Variants in OR2L2 observed in about 807,000 individuals in gnomAD.
The protein encoded by OR2L2 is olfactory receptor family 2 subfamily L member 2.
For missense variants in OR2L2, 378 were observed against 375.2 expected, an observed-to-expected ratio of 1.01 and a Z score of -0.06; for synonymous variants, 156 against 135.4, an observed-to-expected ratio of 1.15 and a Z score of -1.06.
intron 2 of OR2L2, among the ~76,000 whole-genome samples, chr1:248,036,501 C>T (rs1662765153): frequency 6.6e-6 from 1 of 152,248 alleles, no homozygotes; most frequent in Admixed American, 6.5e-5. Flanking sequence ...TGTACATACA[C>T]GTGTATTGAT....
intron 1 of OR2L2, among the ~76,000 whole-genome samples, chr1:248,030,826 C>T (rs1329381493): frequency 2.6e-5 from 4 of 151,986 alleles, no homozygotes; most frequent in Admixed American, 2.6e-4. Context: ...ATTGCACGTG[C>T]CAGTGTGTGG....
intron 1 of OR2L2, among the ~76,000 whole-genome samples, chr1:248,033,301 A>G (rs1662669208): frequency 6.6e-6 from 1 of 152,214 alleles, no homozygotes; most frequent in Non-Finnish European, 1.5e-5. Flanking sequence ...GAATGTAGAT[A>G]TCTAGTTTTT....
Position 248,040,621 on chromosome 1 carries a change from C to G in OR2L2, c.*1415C>G, listed in dbSNP as rs1295686171. 2 of 152,138 alleles carry G rather than the reference C, an allele frequency of 1.3e-5. No homozygotes were observed. Among genetic ancestry groups the G allele is most frequent in the African/African-American group, 4.8e-5 (2 of 41,426 alleles). 9.4% of individuals were successfully genotyped at this position (152,138 alleles called of 1,614,324 possible). A position where few individuals can be genotyped will look rare whatever the true frequency, so the allele number is the denominator to read the frequency against. On this transcript the variant is annotated 3_prime_UTR_variant, in exon 3 of 3. Transcript: ENST00000641771. The stretch of plus-strand genomic sequence containing the variant: ...TATTTTCTCTTTCTGATGATTTTCT[C>G]AATAAGATATTCTTTTTTAGCTCAC...
At chr1:248,035,036 A>T (rs1429413509) in intron 1 of OR2L2, among the ~76,000 whole-genome samples, 8 of 150,040 alleles carry the variant, frequency 5.3e-5, no homozygotes, top group African/African-American at 2.0e-4. Flanking sequence ...TTAAGATAAC[A>T]TATTTATCTT....
At chr1:248,035,387 T>A (rs932542428) in intron 1 of OR2L2, among the ~76,000 whole-genome samples, 163 bp from the exon 2 acceptor site, 1 of 151,994 alleles carries the variant, frequency 6.6e-6, no homozygotes, top group South Asian at 2.1e-4. Context: ...AGGCGGAGCT[T>A]GCAGTGAGCC....
intron 2 of OR2L2, among the ~76,000 whole-genome samples, chr1:248,036,385 T>C (rs1017224596): frequency 6.6e-6 from 1 of 152,218 alleles, no homozygotes; most frequent in East Asian, 1.9e-4. Flanking sequence ...ATGATATTTA[T>C]TTGGTGGATT....
chr1:248,042,081 A>G lies in OR2L2; in HGVS notation c.*2875A>G, dbSNP rs903583025. ...CTATGTTTATTGCGGCACTATTCAC[A>G]ATAGCAAAGACTTGGAACCAACCCA... On this transcript the variant is annotated 3_prime_UTR_variant, in exon 3 of 3. Coordinates refer to ENST00000641771, the MANE Select transcript of OR2L2 (RefSeq NM_001385855.1). 3 of 152,116 alleles carry G rather than the reference A, an allele frequency of 2.0e-5. No individual in the cohort carries two copies. Among genetic ancestry groups the G allele is most frequent in the African/African-American group, 7.2e-5 (3 of 41,420 alleles). 9.4% of individuals were successfully genotyped at this position (152,116 alleles called of 1,614,324 possible).
chr1:248,034,465 G>C (rs1662701885), intron 1 of OR2L2, among the ~76,000 whole-genome samples: 1 of 152,116 alleles, frequency 6.6e-6, no homozygotes, highest in Non-Finnish European at 1.5e-5. Flanking sequence ...AAGGTCCTTT[G>C]AAATTCCATA....
At chr1:248,030,412 A>G (rs1204971009) in intron 1 of OR2L2, among the ~76,000 whole-genome samples, 177 bp downstream of exon 1, 1 of 152,190 alleles carries the variant, frequency 6.6e-6, no homozygotes, top group Non-Finnish European at 1.5e-5. Context: ...GCAGGCAACC[A>G]AAAGTGATTT....
At position 248,038,465 on chromosome 1, in the gene OR2L2, C is replaced by T. The variant is rs1430659869; in HGVS notation, c.198C>T (p.Ser66=). 1 of 1,613,804 alleles carries T rather than the reference C, an allele frequency of 6.2e-7. No homozygotes were observed. Among genetic ancestry groups the T allele is most frequent in the Non-Finnish European group, 8.5e-7 (1 of 1,179,740 alleles). ...TPMYFLLSQL[S]LIDLNYISTI... ...TGTATTTCCTACTTAGTCAGCTCTCCCTCATTGACCTAAATTACATCTCCA... is the reference window on the plus strand; with the variant it reads ...TGTATTTCCTACTTAGTCAGCTCTCTCTCATTGACCTAAATTACATCTCCA... The change falls in exon 3 of 3, where the codon TCC becomes TCT. Residue 66 remains serine (S), a synonymous_variant. Transcript: ENST00000641771.
chr1:248,033,926 G>A (rs1445249865), intron 1 of OR2L2, among the ~76,000 whole-genome samples: 2 of 152,150 alleles, frequency 1.3e-5, no homozygotes, highest in Non-Finnish European at 2.9e-5. Flanking sequence ...AATCAGTAAA[G>A]AGGAAGCCAA....
intron 1 of OR2L2, among the ~76,000 whole-genome samples, chr1:248,033,126 C>T (rs1662663274): frequency 6.6e-6 from 1 of 152,090 alleles, no homozygotes; most frequent in Admixed American, 6.6e-5. Context: ...GGATGAAACC[C>T]ATCATAAATC....
chr1:248,037,859 C>T (rs1403795412), intron 2 of OR2L2, among the ~76,000 whole-genome samples: 1 of 152,192 alleles, frequency 6.6e-6, no homozygotes, highest in Non-Finnish European at 1.5e-5. Flanking sequence ...AGCCCAACGT[C>T]ACATCACAGT....
rs1467282364 is a variant in OR2L2, at chr1:248,041,682, A to G, written c.*2476A>G. On this transcript the variant is annotated 3_prime_UTR_variant, in exon 3 of 3. Coordinates refer to ENST00000641771, the MANE Select transcript of OR2L2 (RefSeq NM_001385855.1). Reference sequence around the variant, plus strand: ...TTACAAGAAAAAAACAAACAACCCCATCAAAAAGTGGGTGAAGGACATGAA... The same window carrying G: ...TTACAAGAAAAAAACAAACAACCCCGTCAAAAAGTGGGTGAAGGACATGAA... 2 of 152,290 alleles carry G rather than the reference A, an allele frequency of 1.3e-5. No homozygotes were observed. The highest frequency in any genetic ancestry group is 3.9e-4 in the East Asian group (2 of 5,182). 9.4% of individuals were successfully genotyped at this position (152,290 alleles called of 1,614,324 possible).
Position 248,041,764 on chromosome 1 carries a change from C to T in OR2L2, c.*2558C>T, listed in dbSNP as rs1171521386. The T allele has an allele frequency of 6.6e-6, 1 of 152,204 alleles. No homozygotes were observed. The highest frequency in any genetic ancestry group is 1.5e-5 in the Non-Finnish European group (1 of 68,052). The allele number at this position is 152,204 out of a possible 1,614,324, so 9.4% of individuals were successfully genotyped here. A position where few individuals can be genotyped will look rare whatever the true frequency, so the allele number is the denominator to read the frequency against. ...GCCAAAAAACACATGAAAAAATGCT[C>T]ACCGTTACTGGCCGTCAGAGAAATG... On this transcript the variant is annotated 3_prime_UTR_variant, in exon 3 of 3. Coordinates refer to ENST00000641771, the MANE Select transcript of OR2L2 (RefSeq NM_001385855.1).
intron 1 of OR2L2, among the ~76,000 whole-genome samples, chr1:248,031,311 T>A (rs1662614857): frequency 6.6e-6 from 1 of 152,220 alleles, no homozygotes; most frequent in Admixed American, 6.5e-5. Flanking sequence ...AGATGCTACA[T>A]TGGTGTTCAT....
chr1:248,042,219 A>G lies in OR2L2; in HGVS notation c.*3013A>G, dbSNP rs1662969619. 1 of 152,046 alleles carries G rather than the reference A, an allele frequency of 6.6e-6. No individual in the cohort carries two copies. Among genetic ancestry groups the G allele is most frequent in the African/African-American group, 2.4e-5 (1 of 41,386 alleles). The allele number at this position is 152,046 out of a possible 1,614,324, so 9.4% of individuals were successfully genotyped here. ...TGTCCTTTGTAGGGACATGGATGAA[A>G]TTGGAAATCATCATTCTCACTAAAC... On this transcript the variant is annotated 3_prime_UTR_variant, in exon 3 of 3. Coordinates refer to ENST00000641771, the MANE Select transcript of OR2L2 (RefSeq NM_001385855.1).
In OR2L2 at chr1:248,038,557, G is replaced by A. The variant is rs147896868; in HGVS notation, c.290G>A (p.Gly97Glu). ...GNKSISFTGCGIQSFFFLTLA... is the reference protein window; with the variant it reads ...GNKSISFTGCEIQSFFFLTLA... ...AAGTCTATCTCCTTCACTGGATGTG[G>A]GATTCAGAGTTTCTTCTTCTTGACT... Residue 97 changes from glycine to glutamate, a missense_variant, in exon 3 of 3, where the codon GGG becomes GAG. Coordinates refer to ENST00000641771, the MANE Select transcript of OR2L2 (RefSeq NM_001385855.1). The A allele has an allele frequency of 6.2e-7, 1 of 1,614,106 alleles. No homozygotes were observed. The highest frequency in any genetic ancestry group is 1.1e-5 in the South Asian group (1 of 91,076).
In OR2L2 at chr1:248,038,993, C is replaced by A. The variant is rs118122259; in HGVS notation, c.726C>A (p.Thr242=). 2.8e-4 allele frequency: 452 copies of A among 1,614,034 alleles called. 3 individuals are homozygous for A. In the East Asian group the frequency reaches 9.8e-3, roughly 35 times the overall value. ...GRKKAYSTCS[T]HLTVVSFYYA... ...AGAAGGCCTATTCAACCTGTAGCAC[C>A]CACCTCACTGTAGTGTCCTTCTACT... Residue 242 remains threonine, a synonymous_variant, in exon 3 of 3, where the codon ACC becomes ACA. Transcript: ENST00000641771.
Sources: gnomAD v4.1 joint callset for allele counts (sites outside exome capture counted in the v4.1 genomes callset) on GRCh38, gnomAD v4.1.1 for gene constraint, MANE v1.5 for transcripts, NCBI Gene and HGNC (gene_info 2026-07-23, HGNC 2026-07-21) for gene names.